Variants in CAPRIN1 observed in about 807,000 individuals in gnomAD.
The protein encoded by CAPRIN1 is caprin-1.
In CAPRIN1, 29 loss-of-function variants were observed where a neutral mutation model predicts 100.9. That is an observed-to-expected ratio of 0.29 (90% CI 0.21 to 0.39). The LOEUF (loss-of-function observed/expected upper bound fraction) is 0.39, where lower values mean the gene tolerates loss of function less well. CAPRIN1 is among the 10% of genes least tolerant of loss of function. The pLI, the probability that CAPRIN1 is intolerant of heterozygous loss-of-function variation, is 1.00. For missense variants in CAPRIN1, 795 were observed against 876.7 expected (o/e 0.91, Z 1.18); for synonymous variants, 338 against 307.5 (o/e 1.10, Z -1.04).
At chr11:34,058,510 TTA>T (rs1398130841) in intron 2 of CAPRIN1, among the ~76,000 whole-genome samples, 3 of 152,230 alleles carry the variant, frequency 2.0e-5, no homozygotes, top group African/African-American at 7.2e-5. Context: ...TCATGTTTAA[TTA>T]TGTAGAATCA....
At chr11:34,071,575 A>T (rs59978955) in intron 2 of CAPRIN1, 151 bp from the exon 3 acceptor site, 50,596 of 575,942 alleles carry the variant, frequency 0.088, 2,791 homozygotes, top group African/African-American at 0.16. Flanking sequence ...AAAAAAAAAA[A>T]TTTATGTACT....
At position 34,102,146 on chromosome 11, in the gene CAPRIN1, AC is replaced by A. The variant is rs1851463537; in HGVS notation, c.*2780del. On this transcript the variant is annotated 3_prime_UTR_variant, in exon 19 of 19. Transcript: ENST00000341394. ...TTGTCTCCTTTTATATGCAGCTCTT[AC>A]GTGGGAGACTTTTCCACTTAAAGGA... 6.6e-6 allele frequency among the ~76,000 whole-genome samples: 1 copy of A among 152,206 alleles called. No individual in the cohort carries two copies. Among genetic ancestry groups the A allele is most frequent in the African/African-American group, 2.4e-5 (1 of 41,454 alleles).
At chr11:34,090,971 T>C (rs1295920142) in intron 14 of CAPRIN1, among the ~76,000 whole-genome samples, 4 of 152,200 alleles carry the variant, frequency 2.6e-5, no homozygotes, top group African/African-American at 7.2e-5. Flanking sequence ...TAGACTAATA[T>C]AACATCCATA....
At chr11:34,098,433 C>T (rs1409247400) in intron 18 of CAPRIN1, 2 of 985,240 alleles carry the variant, frequency 2.0e-6, no homozygotes, top group Non-Finnish European at 2.4e-6. Context: ...GGAAGTTAAC[C>T]TATTTAACAA....
chr11:34,062,348 G>T (rs540237346), intron 2 of CAPRIN1, among the ~76,000 whole-genome samples: 1 of 152,098 alleles, frequency 6.6e-6, no homozygotes, highest in South Asian at 2.1e-4. Flanking sequence ...AGATTGGACC[G>T]GGCGCGGTGG....
rs1441491944 is a variant in CAPRIN1 at position 34,090,698 on chromosome 11, T to C, written c.1554+20T>C. ...CAAACGGTAAGCAAATTAACTAACA[T>C]TAATTGCCTAGTATGTAATATGAAT... On this transcript the variant is annotated intron_variant, in intron 14 of 18. Coordinates refer to ENST00000341394, the MANE Select transcript of CAPRIN1 (RefSeq NM_005898.5). The C allele has an allele frequency of 1.9e-6, 3 of 1,606,054 alleles. No homozygotes were observed. The highest frequency in any genetic ancestry group is 1.3e-5 in the African/African-American group (1 of 74,794).
rs920002247 is a variant in CAPRIN1 at position 34,101,380 on chromosome 11, T to C, written c.*2013T>C. On this transcript the variant is annotated 3_prime_UTR_variant, in exon 19 of 19. Transcript: ENST00000341394. Reference sequence around the variant, plus strand: ...CTTGCAGTCCTATATAAAACTAAATTTGCTATCTGTGTAGAAAATAATTTC... The same window carrying C: ...CTTGCAGTCCTATATAAAACTAAATCTGCTATCTGTGTAGAAAATAATTTC... Among the ~76,000 whole-genome samples, 1 of 152,136 alleles carries C rather than the reference T, an allele frequency of 6.6e-6. No individual in the cohort carries two copies. The highest frequency in any genetic ancestry group is 2.4e-5 in the African/African-American group (1 of 41,426).
chr11:34,084,314 T>C (rs1354835933), intron 9 of CAPRIN1, among the ~76,000 whole-genome samples: 2 of 152,100 alleles, frequency 1.3e-5, no homozygotes, highest in South Asian at 2.1e-4. Flanking sequence ...AAATGTCCCA[T>C]TGGTAAGGTA....
At chr11:34,076,025 C>T (rs560814864) in intron 4 of CAPRIN1, among the ~76,000 whole-genome samples, 81 of 152,212 alleles carry the variant, frequency 5.3e-4, no homozygotes, top group Non-Finnish European at 7.1e-4. Flanking sequence ...AGTAAAATAC[C>T]TTCTAGGGAA....
intron 15 of CAPRIN1, chr11:34,096,201 T>C (rs546600056): frequency 8.5e-4 from 222 of 259,672 alleles, no homozygotes; most frequent in Non-Finnish European, 1.3e-3. Context: ...GACGTTAATA[T>C]AGCCTTTCAA....
At chr11:34,098,167 T>C (rs1453012245) in intron 18 of CAPRIN1, 2 of 1,002,262 alleles carry the variant, frequency 2.0e-6, no homozygotes, top group East Asian at 1.0e-4. Flanking sequence ...ATGCCTATTA[T>C]ATTTTAGGGC....
In CAPRIN1 at chr11:34,091,759, A is replaced by G. The variant is rs181794589; in HGVS notation, c.1555-147A>G. 122 of 664,406 alleles carry G rather than the reference A, an allele frequency of 1.8e-4. 1 individual carries two copies. The East Asian group carries it at 2.6e-3, about 14-fold the overall frequency. The allele number at this position is 664,406 out of a possible 1,614,324, so 41.2% of individuals were successfully genotyped here. A position where few individuals can be genotyped will look rare whatever the true frequency, so the allele number is the denominator to read the frequency against. On this transcript the variant is annotated intron_variant, in intron 14 of 18. Transcript: ENST00000341394. ...TTTCCACATTGAATCACTTGGAGGG[A>G]TTTTTGTATGTGTGTGTGATGTTTT...
chr11:34,099,123 C>T, intron 18 of CAPRIN1, 180 bp from the exon 19 acceptor site: 1 of 1,434,254 alleles, frequency 7.0e-7, no homozygotes, highest in Non-Finnish European at 9.1e-7. Flanking sequence ...AGAACATGAG[C>T]AAATTTGCGC....
chr11:34,094,189 A>G (rs1408943976), intron 15 of CAPRIN1, among the ~76,000 whole-genome samples: 1 of 152,022 alleles, frequency 6.6e-6, no homozygotes, highest in Non-Finnish European at 1.5e-5. Context: ...GCCGTTGTCC[A>G]GTGCAGTGAT....
In CAPRIN1 at chr11:34,061,178, C is replaced by A. The variant is rs555859874; in HGVS notation, c.216+8542C>A. 4.1e-5 allele frequency among the ~76,000 whole-genome samples: 6 copies of A among 147,042 alleles called. No homozygotes were observed. The East Asian group carries it at 1.2e-3, about 29-fold the overall frequency. On this transcript the variant is annotated intron_variant, in intron 2 of 18. Transcript: ENST00000341394. ...TTAACCTGCTTGAAAAATTATCTTA[C>A]AATGGAACCTTAGGTAACATCCTTT... is the stretch of plus-strand genomic sequence containing the variant.
At chr11:34,070,688 G>T (rs1292205931) in intron 2 of CAPRIN1, among the ~76,000 whole-genome samples, 2 of 151,682 alleles carry the variant, frequency 1.3e-5, no homozygotes, top group African/African-American at 4.8e-5. Flanking sequence ...GAGCCACCGT[G>T]CCTGGCCCGA....
intron 18 of CAPRIN1, 73 bp from the exon 19 acceptor site, chr11:34,099,229 TC>T: frequency 6.3e-7 from 1 of 1,580,712 alleles, no homozygotes; most frequent in Non-Finnish European, 8.7e-7. Flanking sequence ...CTTCTTGACT[TC>T]AGATGAAAAT....
At chr11:34,056,192 A>G (rs1340691570) in intron 2 of CAPRIN1, among the ~76,000 whole-genome samples, 1 of 152,188 alleles carries the variant, frequency 6.6e-6, no homozygotes, top group African/African-American at 2.4e-5. Context: ...GCTTTATTTC[A>G]ATCTTGACCT....
intron 11 of CAPRIN1, among the ~76,000 whole-genome samples, chr11:34,088,040 C>T (rs1012897386): frequency 6.6e-5 from 10 of 152,174 alleles, no homozygotes; most frequent in African/African-American, 2.4e-4. Context: ...GCTCTATCGC[C>T]AGGCTGGAGT....
Sources: gnomAD v4.1 joint callset for allele counts (sites outside exome capture counted in the v4.1 genomes callset) on GRCh38, gnomAD v4.1.1 for gene constraint, MANE v1.5 for transcripts, NCBI Gene and HGNC (gene_info 2026-07-23, HGNC 2026-07-21) for gene names.